Variants in DCC observed in about 807,000 individuals in gnomAD.
DCC encodes the protein netrin receptor DCC.
In DCC, 58 loss-of-function variants were observed where a neutral mutation model predicts 172.5. That is an observed-to-expected ratio of 0.34 (90% CI 0.27 to 0.42). The LOEUF (loss-of-function observed/expected upper bound fraction) is 0.42. DCC is among the 10% of genes least tolerant of loss of function. DCC has a pLI of 1.00. For synonymous variants in DCC, 709 were observed against 644.5 expected, an observed-to-expected ratio of 1.10 and a Z score of -1.52; for missense variants, 1,740 against 1,791.0, an observed-to-expected ratio of 0.97 and a Z score of 0.51.
intron 20 of DCC, 150 bp from the exon 21 acceptor site, chr18:53,415,974 A>T: frequency 1.5e-6 from 1 of 687,032 alleles, no homozygotes; most frequent in Non-Finnish European, 2.7e-6. Context: ...ATAGAAATAA[A>T]CATGTAAGTT....
intron 5 of DCC, among the ~76,000 whole-genome samples, chr18:53,031,930 A>T (rs573151371): frequency 1.3e-5 from 2 of 152,172 alleles, no homozygotes; most frequent in Admixed American, 1.3e-4. Flanking sequence ...TGCATTTTTC[A>T]AAAAGGGGCA....
At chr18:53,518,619 T>C (rs1293623347) in intron 27 of DCC, among the ~76,000 whole-genome samples, 2 of 152,132 alleles carry the variant, frequency 1.3e-5, no homozygotes, top group Non-Finnish European at 2.9e-5. Context: ...CCAGCCCATT[T>C]TTATTTTTTC....
At chr18:53,084,041 C>G (rs1354688280) in intron 7 of DCC, among the ~76,000 whole-genome samples, 1 of 152,146 alleles carries the variant, frequency 6.6e-6, no homozygotes, top group Non-Finnish European at 1.5e-5. Flanking sequence ...TTACTTGTAA[C>G]TTGAAACTGG....
At chr18:53,269,288 A>G (rs1210036152) in intron 12 of DCC, among the ~76,000 whole-genome samples, 2 of 152,206 alleles carry the variant, frequency 1.3e-5, no homozygotes, top group African/African-American at 4.8e-5. Context: ...TTGAACTTTA[A>G]CAACACACAT....
intron 1 of DCC, among the ~76,000 whole-genome samples, chr18:52,636,027 A>G (rs1015073256): frequency 1.3e-5 from 2 of 152,186 alleles, no homozygotes; most frequent in African/African-American, 4.8e-5. Context: ...GAGCGCCCCA[A>G]CTGCGGAAGC....
At chr18:52,708,667 C>A (rs1033782586) in intron 1 of DCC, among the ~76,000 whole-genome samples, 3 of 152,134 alleles carry the variant, frequency 2.0e-5, no homozygotes, top group African/African-American at 7.2e-5. Flanking sequence ...CATGAATAGT[C>A]TCTCACCACA....
chr18:53,020,959 G>A (rs1484120718), intron 5 of DCC, among the ~76,000 whole-genome samples: 1 of 151,254 alleles, frequency 6.6e-6, no homozygotes, highest in African/African-American at 2.4e-5. Flanking sequence ...GGAGTGAGAA[G>A]CTAATGGCTA....
chr18:53,051,943 T>G (rs2042339608), intron 5 of DCC, among the ~76,000 whole-genome samples: 1 of 152,144 alleles, frequency 6.6e-6, no homozygotes, highest in African/African-American at 2.4e-5. Flanking sequence ...ATTTGTGGGC[T>G]TATGGCATCA....
chr18:52,833,603 G>A (rs1194956476), intron 2 of DCC, among the ~76,000 whole-genome samples: 2 of 152,094 alleles, frequency 1.3e-5, no homozygotes, highest in Non-Finnish European at 1.5e-5. Flanking sequence ...CAATGCTAAG[G>A]TTTCTGGTCT....
intron 9 of DCC, among the ~76,000 whole-genome samples, chr18:53,202,119 T>C (rs1336448233): frequency 3.3e-5 from 5 of 152,220 alleles, no homozygotes; most frequent in Non-Finnish European, 7.3e-5. Context: ...TAGCAACTTA[T>C]ACACCTAGGA....
At chr18:52,475,839 C>T (rs1989077696) in intron 1 of DCC, among the ~76,000 whole-genome samples, 1 of 152,120 alleles carries the variant, frequency 6.6e-6, no homozygotes. Flanking sequence ...TGCTATTACC[C>T]CAGAAACTCA....
intron 1 of DCC, among the ~76,000 whole-genome samples, chr18:52,621,899 A>G (rs1221387223): frequency 6.6e-6 from 1 of 152,196 alleles, no homozygotes; most frequent in Non-Finnish European, 1.5e-5. Flanking sequence ...CTCATCCAGA[A>G]TAGTACACAA....
At chr18:53,306,913 A>AT (rs1472062532) in intron 13 of DCC, among the ~76,000 whole-genome samples, 1 of 152,222 alleles carries the variant, frequency 6.6e-6, no homozygotes, top group East Asian at 1.9e-4. Context: ...CATAAAGCAC[A>AT]TGACTTACAA....
chr18:53,484,539 C>G (rs1396517500), intron 25 of DCC, among the ~76,000 whole-genome samples: 1 of 151,956 alleles, frequency 6.6e-6, no homozygotes, highest in Non-Finnish European at 1.5e-5. Flanking sequence ...TTCACCTATG[C>G]TCTCTCCTAG....
At chr18:53,470,958 C>T (rs2045688660) in intron 25 of DCC, among the ~76,000 whole-genome samples, 1 of 152,132 alleles carries the variant, frequency 6.6e-6, no homozygotes, top group Non-Finnish European at 1.5e-5. Context: ...TAGTTTCATG[C>T]CTCTTCATTC....
chr18:52,639,161 G>A (rs1366123343), intron 1 of DCC, among the ~76,000 whole-genome samples: 2 of 152,020 alleles, frequency 1.3e-5, no homozygotes, highest in Non-Finnish European at 2.9e-5. Flanking sequence ...CAGCAAAGGC[G>A]ATGCTAAGAG....
intron 1 of DCC, among the ~76,000 whole-genome samples, chr18:52,493,720 A>AT (rs1201518123): frequency 6.6e-6 from 1 of 152,026 alleles, no homozygotes; most frequent in African/African-American, 2.4e-5. Flanking sequence ...TTAATTTATG[A>AT]TTTTTTGTGG....
chr18:53,401,739 T>A (rs1909309167), intron 18 of DCC, among the ~76,000 whole-genome samples: 1 of 152,136 alleles, frequency 6.6e-6, no homozygotes. Flanking sequence ...GGTAGCAAAG[T>A]TGCCGTGGAT....
chr18:52,648,902 G>A (rs1259384555), intron 1 of DCC, among the ~76,000 whole-genome samples: 3 of 152,122 alleles, frequency 2.0e-5, no homozygotes, highest in Non-Finnish European at 4.4e-5. Context: ...AAGGGTGGAC[G>A]TTTCAGTGGT....
Sources: allele counts gnomAD v4.1 joint callset (sites outside exome capture counted in the v4.1 genomes callset), GRCh38; gene constraint gnomAD v4.1.1; transcripts MANE v1.5; gene names NCBI Gene and HGNC (gene_info 2026-07-23, HGNC 2026-07-21).